CNTNAP5: variants seen among roughly 807,000 people sequenced by gnomAD.
CNTNAP5 encodes the protein contactin associated protein family member 5.
In CNTNAP5, 72 loss-of-function variants were observed where a neutral mutation model predicts 150.2. The ratio of observed to expected loss-of-function variants is 0.48; its 90% CI spans 0.40 to 0.58. CNTNAP5 has a LOEUF of 0.58. Among genes scored for constraint, CNTNAP5 ranks in the 20% least tolerant of loss-of-function variants. The pLI, the probability that CNTNAP5 is intolerant of heterozygous loss-of-function variation, is 0.00. For synonymous variants in CNTNAP5, 672 were observed against 619.8 expected, an observed-to-expected ratio of 1.08 and a Z score of -1.25; for missense variants, 1,636 against 1,626.2, an observed-to-expected ratio of 1.01 and a Z score of -0.10.
chr2:124,645,492 C>T (rs1280602168), intron 12 of CNTNAP5, among the ~76,000 whole-genome samples: 2 of 152,096 alleles, frequency 1.3e-5, no homozygotes, highest in African/African-American at 4.8e-5. Flanking sequence ...CGCTTGAGCC[C>T]AGGTGGCCAA....
chr2:124,847,788 T>C (rs944856605), intron 19 of CNTNAP5, among the ~76,000 whole-genome samples: 1 of 152,194 alleles, frequency 6.6e-6, no homozygotes, highest in Admixed American at 6.5e-5. Context: ...CTCTTGAGGA[T>C]ATCTAATTCT....
intron 21 of CNTNAP5, among the ~76,000 whole-genome samples, chr2:124,887,077 A>G (rs1386039860): frequency 2.6e-5 from 4 of 152,062 alleles, no homozygotes; most frequent in Non-Finnish European, 1.5e-5. Context: ...TGGACTCTGA[A>G]GTATGGTTGT....
chr2:124,398,946 G>C (rs1323616584), intron 3 of CNTNAP5, among the ~76,000 whole-genome samples: 1 of 152,056 alleles, frequency 6.6e-6, no homozygotes, highest in Non-Finnish European at 1.5e-5. Flanking sequence ...TATTTCCTTG[G>C]GTTTGTGTTT....
At chr2:124,585,789 A>G (rs966480809) in intron 11 of CNTNAP5, among the ~76,000 whole-genome samples, 1 of 151,802 alleles carries the variant, frequency 6.6e-6, no homozygotes, top group Non-Finnish European at 1.5e-5. Context: ...CCTTCAAAGA[A>G]AACAGAACCT....
rs952873452 is a variant in CNTNAP5, at chr2:124,524,589, C to A, written c.1477+137C>A. On this transcript the variant is annotated intron_variant, in intron 9 of 23. Coordinates refer to ENST00000682447, the MANE Select transcript of CNTNAP5 (RefSeq NM_001367498.1). ...ACAAACACACACACACATGCACATA[C>A]ACACACACCCTCAATCTCAAAATAG... The A allele has an allele frequency of 1.3e-5, 10 of 754,864 alleles. No homozygotes were observed. The East Asian group carries it at 1.9e-4, about 15-fold the overall frequency. The allele number at this position is 754,864 out of a possible 1,614,324, so 46.8% of individuals were successfully genotyped here. A position where few individuals can be genotyped will look rare whatever the true frequency, so the allele number is the denominator to read the frequency against.
chr2:124,309,484 A>G (rs1182871547), intron 3 of CNTNAP5, among the ~76,000 whole-genome samples: 1 of 151,938 alleles, frequency 6.6e-6, no homozygotes, highest in African/African-American at 2.4e-5. Flanking sequence ...AACTGAAAAA[A>G]TAAAGTCACC....
intron 19 of CNTNAP5, among the ~76,000 whole-genome samples, chr2:124,836,730 G>A (rs912386216): frequency 2.6e-5 from 4 of 151,908 alleles, no homozygotes; most frequent in African/African-American, 9.7e-5. Flanking sequence ...AATATGCCCC[G>A]GGTTGTTTTA....
At chr2:124,443,092 C>T (rs770323200) in intron 5 of CNTNAP5, among the ~76,000 whole-genome samples, 2 of 151,982 alleles carry the variant, frequency 1.3e-5, no homozygotes, top group African/African-American at 2.4e-5. Context: ...GCTACAAATA[C>T]GCTTGTGCCC....
At chr2:124,853,531 C>T (rs191134114) in intron 19 of CNTNAP5, among the ~76,000 whole-genome samples, 9 of 152,288 alleles carry the variant, frequency 5.9e-5, no homozygotes, top group Admixed American at 2.6e-4. Flanking sequence ...CGGTGAGATC[C>T]AGCTACATCA....
chr2:124,535,636 G>T (rs6541958), intron 10 of CNTNAP5, among the ~76,000 whole-genome samples: 43,784 of 150,876 alleles, frequency 0.29, 6,771 homozygotes, highest in South Asian at 0.46. Context: ...AATTAGCTGG[G>T]TGTGGTTCTG....
chr2:124,346,089 A>T (rs774490858), intron 3 of CNTNAP5, among the ~76,000 whole-genome samples: 5 of 152,142 alleles, frequency 3.3e-5, no homozygotes, highest in Admixed American at 3.3e-4. Flanking sequence ...GGTTTACTTT[A>T]AAAAAATAAA....
rs558497477 is a variant in CNTNAP5 at position 124,348,252 on chromosome 2, A to G, written c.382-69191A>G. On this transcript the variant is annotated intron_variant, in intron 3 of 23. Transcript: ENST00000682447. ...TTCAGGTTGGTCATTGCTAATACAT[A>G]TAAGAAAACAGAATTTTCAAATAGA... Among the ~76,000 whole-genome samples the G allele has an allele frequency of 2.4e-4, 37 of 152,332 alleles. No homozygotes were observed. The South Asian group carries it at 7.7e-3, about 32-fold the overall frequency.
intron 1 of CNTNAP5, among the ~76,000 whole-genome samples, chr2:124,114,050 G>A (rs1478123966): frequency 6.6e-6 from 1 of 151,764 alleles, no homozygotes; most frequent in African/African-American, 2.4e-5. Flanking sequence ...AGATACAAGG[G>A]AAAAAAGTCC....
At chr2:124,185,210 A>C (rs1685306729) in intron 1 of CNTNAP5, among the ~76,000 whole-genome samples, 1 of 152,170 alleles carries the variant, frequency 6.6e-6, no homozygotes. Context: ...TGTTCAGCCC[A>C]CAGTTTCTTC....
At chr2:124,740,199 C>T (rs1680468991) in intron 13 of CNTNAP5, among the ~76,000 whole-genome samples, 1 of 151,808 alleles carries the variant, frequency 6.6e-6, no homozygotes, top group South Asian at 2.1e-4. Flanking sequence ...ACAAAACTTG[C>T]AACTTTGCAT....
intron 1 of CNTNAP5, among the ~76,000 whole-genome samples, chr2:124,122,608 T>C (rs1170394726): frequency 6.6e-6 from 1 of 152,174 alleles, no homozygotes; most frequent in Non-Finnish European, 1.5e-5. Flanking sequence ...AGCACAAGCA[T>C]GTGATGAGCT....
intron 1 of CNTNAP5, among the ~76,000 whole-genome samples, chr2:124,174,110 G>A (rs1427336115): frequency 3.5e-5 from 5 of 142,992 alleles, no homozygotes; most frequent in Admixed American, 7.0e-5. Context: ...TACTGCTCAG[G>A]AAAAAAAAAA....
intron 10 of CNTNAP5, among the ~76,000 whole-genome samples, chr2:124,542,162 C>T (rs1411205257): frequency 1.3e-5 from 2 of 151,698 alleles, no homozygotes; most frequent in African/African-American, 4.8e-5. Flanking sequence ...AGGCATTAAA[C>T]ACACGAATCC....
intron 3 of CNTNAP5, among the ~76,000 whole-genome samples, chr2:124,362,239 G>C (rs1056774538): frequency 7.9e-5 from 12 of 152,194 alleles, no homozygotes; most frequent in Admixed American, 2.0e-4. Context: ...AACCCGGTAC[G>C]TCACATGGAA....
Sources: allele counts gnomAD v4.1 joint callset (sites outside exome capture counted in the v4.1 genomes callset), GRCh38; gene constraint gnomAD v4.1.1; transcripts MANE v1.5; gene names NCBI Gene and HGNC (gene_info 2026-07-23, HGNC 2026-07-21).